Variants in CBX1 observed in about 807,000 individuals in gnomAD.
CBX1 encodes chromobox protein homolog 1.
A neutral mutation model predicts 25.1 loss-of-function variants in CBX1; 10 were observed. The observed-to-expected ratio is 0.40, with a 90% confidence interval of 0.25 to 0.68. CBX1 has a LOEUF of 0.68. Among genes scored for constraint, CBX1 ranks in the 30% least tolerant of loss-of-function variants. CBX1 has a pLI of 0.40. For synonymous variants in CBX1, 63 were observed against 79.4 expected (o/e 0.79, Z 1.10); for missense variants, 106 against 218.5 (o/e 0.49, Z 3.25).
intron 4 of CBX1, 22 bp from the exon 5 acceptor site, chr17:48,071,601 G>A: frequency 6.3e-7 from 1 of 1,576,476 alleles, no homozygotes; most frequent in East Asian, 2.3e-5. Flanking sequence ...AGCAAAGAGA[G>A]ACTTTGAGAC....
Position 48,087,933 on chromosome 17 carries a change from C to G in CBX1, c.-37-10892G>C, listed in dbSNP as rs576111891. Among the ~76,000 whole-genome samples the G allele has an allele frequency of 2.0e-5, 3 of 151,730 alleles. No individual in the cohort carries two copies. The East Asian group carries it at 5.8e-4, about 29-fold the overall frequency. On this transcript the variant is annotated intron_variant, in intron 1 of 4. Coordinates refer to ENST00000225603, the MANE Select transcript of CBX1 (RefSeq NM_001127228.2). ...GAAATACAGATGCCTAGACCCCACT[C>G]CACAGCGAATACATGAGGAAGTGGT...
chr17:48,082,890 G>T (rs1238186960), intron 1 of CBX1, among the ~76,000 whole-genome samples: 2 of 135,444 alleles, frequency 1.5e-5, no homozygotes, highest in Non-Finnish European at 3.1e-5. Context: ...TTTTGAGACG[G>T]AATTTCGCTC....
At chr17:48,096,223 G>A in intron 1 of CBX1, 1 of 336,756 alleles carries the variant, frequency 3.0e-6, no homozygotes, top group South Asian at 1.2e-4. Flanking sequence ...AATTCCAGAG[G>A]ATCAAAGGCT....
chr17:48,073,242 C>T (rs1210237518), intron 4 of CBX1, among the ~76,000 whole-genome samples: 2 of 152,200 alleles, frequency 1.3e-5, no homozygotes, highest in East Asian at 3.9e-4. Context: ...CCCCAAATCT[C>T]TAGAACCTTA....
chr17:48,075,936 G>T, intron 3 of CBX1, 65 bp downstream of exon 3: 1 of 1,308,312 alleles, frequency 7.6e-7, no homozygotes, highest in South Asian at 1.5e-5. Flanking sequence ...GGAAGAAGCA[G>T]AACAAAACTA....
intron 4 of CBX1, among the ~76,000 whole-genome samples, chr17:48,073,435 T>A (rs961771267): frequency 6.6e-6 from 1 of 152,208 alleles, no homozygotes; most frequent in Non-Finnish European, 1.5e-5. Flanking sequence ...CAGAAATATT[T>A]ACTACTTTTA....
intron 1 of CBX1, among the ~76,000 whole-genome samples, chr17:48,094,804 T>C (rs1356363600): frequency 1.3e-5 from 2 of 150,716 alleles, no homozygotes; most frequent in Admixed American, 1.3e-4. Context: ...ATCAGTACTT[T>C]GGGAAGTCGA....
At chr17:48,073,419 A>C (rs1312224843) in intron 4 of CBX1, among the ~76,000 whole-genome samples, 1 of 152,006 alleles carries the variant, frequency 6.6e-6, no homozygotes, top group East Asian at 1.9e-4. Context: ...TAGTCATTTC[A>C]CTCCCCAGAA....
intron 1 of CBX1, chr17:48,096,322 T>C: frequency 1.0e-6 from 1 of 984,810 alleles, no homozygotes; most frequent in Non-Finnish European, 1.2e-6. Flanking sequence ...ACATGGATAT[T>C]TTGACACAGA....
intron 1 of CBX1, among the ~76,000 whole-genome samples, chr17:48,098,273 A>AAACC (rs1317758170): frequency 1.3e-5 from 2 of 151,768 alleles, no homozygotes; most frequent in Admixed American, 1.3e-4. Context: ...ACAAACAAAC[A>AAACC]AACAAACAAA....
chr17:48,077,860 A>G (rs1413688116), intron 1 of CBX1, among the ~76,000 whole-genome samples: 3 of 152,140 alleles, frequency 2.0e-5, no homozygotes, highest in Non-Finnish European at 4.4e-5. Flanking sequence ...AAAATATTGC[A>G]TTAAATTGAA....
rs933136130 is a variant in CBX1 at position 48,071,063 on chromosome 17, T to C, written c.*372A>G. 4 of 155,788 alleles carry C rather than the reference T, an allele frequency of 2.6e-5. No homozygotes were observed. The highest frequency in any genetic ancestry group is 9.8e-5 in the African/African-American group (4 of 40,834). The allele number at this position is 155,788 out of a possible 1,614,324, so 9.7% of individuals were successfully genotyped here. A position where few individuals can be genotyped will look rare whatever the true frequency, so the allele number is the denominator to read the frequency against. On this transcript the variant is annotated 3_prime_UTR_variant, in exon 5 of 5. Transcript: ENST00000225603. Reference sequence around the variant, plus strand: ...CATGCTACGCTGTAAAAATGCAGAGTTAACACTATTGGGAAGAAGGCTGTG... The same window carrying C: ...CATGCTACGCTGTAAAAATGCAGAGCTAACACTATTGGGAAGAAGGCTGTG...
At chr17:48,093,537 G>A (rs2063356005) in intron 1 of CBX1, among the ~76,000 whole-genome samples, 1 of 152,176 alleles carries the variant, frequency 6.6e-6, no homozygotes, top group Non-Finnish European at 1.5e-5. Flanking sequence ...TACTGGTAGG[G>A]CAATTTGGCT....
intron 1 of CBX1, among the ~76,000 whole-genome samples, chr17:48,097,721 C>T (rs2063383341): frequency 6.6e-6 from 1 of 152,094 alleles, no homozygotes; most frequent in Non-Finnish European, 1.5e-5. Context: ...TTGCCCCCTT[C>T]TGGTCATCAA....
intron 1 of CBX1, among the ~76,000 whole-genome samples, chr17:48,092,243 C>T (rs2063348370): frequency 6.6e-6 from 1 of 150,376 alleles, no homozygotes; most frequent in African/African-American, 2.4e-5. Flanking sequence ...GCCCGCCTCG[C>T]CCTCCCAAAG....
rs1337360181 is a variant in CBX1 at position 48,070,286 on chromosome 17, G to T, written c.*1149C>A. The T allele has an allele frequency of 6.6e-6, 1 of 152,638 alleles. No homozygotes were observed. The highest frequency in any genetic ancestry group is 1.5e-5 in the Non-Finnish European group (1 of 68,048). The allele number at this position is 152,638 out of a possible 1,614,324, so 9.5% of individuals were successfully genotyped here. A position where few individuals can be genotyped will look rare whatever the true frequency, so the allele number is the denominator to read the frequency against. Reference sequence around the variant, plus strand: ...TTAAAAAATTGTTTTGTGTGTGTATGTGTGTGTTTTAAAGTGAACCACTGC... The same window carrying T: ...TTAAAAAATTGTTTTGTGTGTGTATTTGTGTGTTTTAAAGTGAACCACTGC... On this transcript the variant is annotated 3_prime_UTR_variant, in exon 5 of 5. Coordinates refer to ENST00000225603, the MANE Select transcript of CBX1 (RefSeq NM_001127228.2).
chr17:48,075,450 C>G (rs1040161065), intron 3 of CBX1, among the ~76,000 whole-genome samples: 1 of 152,178 alleles, frequency 6.6e-6, no homozygotes, highest in Non-Finnish European at 1.5e-5. Context: ...GCCTCGGCCT[C>G]CCAAGGGGCT....
intron 1 of CBX1, among the ~76,000 whole-genome samples, chr17:48,082,195 G>A (rs1285954813): frequency 6.6e-6 from 1 of 151,884 alleles, no homozygotes; most frequent in Non-Finnish European, 1.5e-5. Flanking sequence ...GAGGAAGCAA[G>A]ACTGTCTTTA....
At chr17:48,080,919 CAAAAAAAAAAAAA>C (rs1176173688) in intron 1 of CBX1, among the ~76,000 whole-genome samples, 4 of 11,542 alleles carry the variant, frequency 3.5e-4, no homozygotes, top group Non-Finnish European at 5.6e-4. Context: ...GACTCCATCT[CAAAAAAAAAAAAA>C]AAAAAAAAAA....
Sources: gnomAD v4.1 joint callset for allele counts (sites outside exome capture counted in the v4.1 genomes callset) on GRCh38, gnomAD v4.1.1 for gene constraint, MANE v1.5 for transcripts, NCBI Gene and HGNC (gene_info 2026-07-23, HGNC 2026-07-21) for gene names.